The following TTC19 variants were observed in gnomAD, a reference collection of about 807,000 sequenced individuals.
The protein encoded by TTC19 is tetratricopeptide repeat domain 19.
Under a neutral mutation model 49.5 loss-of-function variants are expected in TTC19, and 38 were observed. The ratio of observed to expected loss-of-function variants is 0.77; its 90% CI spans 0.59 to 1.01. The LOEUF (loss-of-function observed/expected upper bound fraction) is 1.01, where lower values mean the gene tolerates loss of function less well. TTC19 is among the 50% of genes least tolerant of loss of function. The pLI, the probability that TTC19 is intolerant of heterozygous loss-of-function variation, is 0.00. For synonymous variants in TTC19, 204 were observed against 185.2 expected, an observed-to-expected ratio of 1.10 and a Z score of -0.83; for missense variants, 475 against 477.7, an observed-to-expected ratio of 0.99 and a Z score of 0.05.
exon 3 of TTC19, chr17:16,044,936 C>T: frequency 3.2e-6 from 2 of 623,516 alleles, no homozygotes; most frequent in Non-Finnish European, 5.8e-6. Context: ...CTGATGATGA[C>T]ATGGGCTTTT....
chr17:16,027,600 C>CA lies in TTC19; in HGVS notation c.*80dup, dbSNP rs1971615890. ...CATTCCTGTCTCTGTGGCACCCGAT[C>CA]AATGGCTTAAATCTGTCGTTTTTGA... On this transcript the variant is annotated 3_prime_UTR_variant, in exon 10 of 10. Transcript: ENST00000261647. The CA allele has an allele frequency of 6.5e-6, 10 of 1,534,266 alleles. No homozygotes were observed. The highest frequency in any genetic ancestry group is 1.4e-5 in the African/African-American group (1 of 73,124).
At chr17:16,040,092 G>A (rs573782392) in intron 2 of TTC19, 2 of 479,124 alleles carry the variant, frequency 4.2e-6, no homozygotes, top group South Asian at 3.2e-5. Flanking sequence ...ACCCAGCCCA[G>A]AGACCATCTT....
At chr17:16,002,070 T>G (rs1182171466) in intron 3 of TTC19, 45 bp downstream of exon 3, 1 of 1,309,864 alleles carries the variant, frequency 7.6e-7, no homozygotes, top group East Asian at 2.3e-5. Flanking sequence ...GAAGGTTGGA[T>G]GGGAGGGAAG....
downstream of TTC19, chr17:16,031,995 G>A: frequency 2.8e-6 from 1 of 359,624 alleles, no homozygotes; most frequent in Non-Finnish European, 5.0e-6. Context: ...AAGACATTAT[G>A]GTTTTCTTTA....
intron 7 of TTC19, chr17:16,024,228 G>A (rs56054575): frequency 0.051 from 7,730 of 152,112 alleles, 231 homozygotes; most frequent in African/African-American, 0.095. Flanking sequence ...GAGGTGCTAT[G>A]TCATTGTAAG....
Position 16,012,784 on chromosome 17 carries a change from C to T in TTC19, c.676+6216C>T, listed in dbSNP as rs531690834. Among the ~76,000 whole-genome samples, 179 of 152,038 alleles carry T rather than the reference C, an allele frequency of 1.2e-3. 1 individual carries two copies. The highest frequency in any genetic ancestry group is 2.0e-3 in the African/African-American group (84 of 41,484). On this transcript the variant is annotated intron_variant, in intron 7 of 9. Transcript: ENST00000261647. ...AACTGCCGACCTCAGGTGATCTGCCCGCCTCAACCTCCCAAAGTGCTGGGA... is the reference window on the plus strand; with the variant it reads ...AACTGCCGACCTCAGGTGATCTGCCTGCCTCAACCTCCCAAAGTGCTGGGA...
At position 16,029,218 on chromosome 17, in the gene TTC19, G is replaced by A. The variant is rs985676651; in HGVS notation, c.*1696G>A. On this transcript the variant is annotated 3_prime_UTR_variant, in exon 10 of 10. Transcript: ENST00000261647. ...AATCATCCACAGTGACTCAGCTCAT[G>A]GTCTCGTTGTTGGAAACACTAGGAG... 11 of 453,698 alleles carry A rather than the reference G, an allele frequency of 2.4e-5. No individual in the cohort carries two copies. Among genetic ancestry groups the A allele is most frequent in the Non-Finnish European group, 4.0e-5 (9 of 226,726 alleles). 28.1% of individuals were successfully genotyped at this position (453,698 alleles called of 1,614,324 possible).
rs540212362 is a variant in TTC19, at chr17:16,002,816, G to A, written c.447G>A (p.Arg149=). 1.1e-5 allele frequency: 18 copies of A among 1,613,976 alleles called. No homozygotes were observed. In the East Asian group the frequency reaches 1.3e-4, roughly 12 times the overall value. The change falls in exon 4 of 10, where the codon CGG becomes CGA. Residue 149 remains arginine, a synonymous_variant. Coordinates refer to ENST00000261647, the MANE Select transcript of TTC19 (RefSeq NM_017775.4). ...YDLMANLAFI[R]GQLENAEQLF... ...AGATGGCCAACTTAGCATTTATACGGGGTCAGCTTGAAAATGTAAGTAAAT... is the reference window on the plus strand; with the variant it reads ...AGATGGCCAACTTAGCATTTATACGAGGTCAGCTTGAAAATGTAAGTAAAT...
chr17:16,016,003 T>C (rs1971202828), intron 7 of TTC19, among the ~76,000 whole-genome samples: 1 of 152,184 alleles, frequency 6.6e-6, no homozygotes, highest in African/African-American at 2.4e-5. Context: ...ATTTTCTTTA[T>C]TGTCTTTCTA....
At chr17:16,034,487 A>G (rs1331630734) in intron 2 of TTC19, among the ~76,000 whole-genome samples, 2 of 152,144 alleles carry the variant, frequency 1.3e-5, no homozygotes, top group Non-Finnish European at 2.9e-5. Flanking sequence ...GCACGCCTGT[A>G]GTCCCAGCTA....
chr17:16,003,052 C>T (rs1005219777), intron 4 of TTC19, among the ~76,000 whole-genome samples: 2 of 152,160 alleles, frequency 1.3e-5, no homozygotes, highest in Admixed American at 6.5e-5. Flanking sequence ...TCCAGAAGTC[C>T]AGGTTTCTTC....
chr17:16,021,121 C>G (rs1971367729), intron 7 of TTC19, among the ~76,000 whole-genome samples: 1 of 152,178 alleles, frequency 6.6e-6, no homozygotes, highest in Non-Finnish European at 1.5e-5. Flanking sequence ...GGCGCAGTGG[C>G]TCACGCCTGT....
intron 7 of TTC19, among the ~76,000 whole-genome samples, chr17:16,022,371 G>A (rs1433096301): frequency 1.3e-5 from 2 of 152,112 alleles, no homozygotes; most frequent in African/African-American, 4.8e-5. Flanking sequence ...ATAGTGTTAC[G>A]TTAGATTCTG....
At chr17:16,041,872 G>C (rs1211027500) in intron 2 of TTC19, among the ~76,000 whole-genome samples, 1 of 151,784 alleles carries the variant, frequency 6.6e-6, no homozygotes, top group Non-Finnish European at 1.5e-5. Flanking sequence ...GAGTGGCTGG[G>C]ACTACAGGCG....
At chr17:16,022,372 T>C (rs1971412438) in intron 7 of TTC19, among the ~76,000 whole-genome samples, 2 of 152,186 alleles carry the variant, frequency 1.3e-5, no homozygotes, top group Non-Finnish European at 2.9e-5. Flanking sequence ...TAGTGTTACG[T>C]TAGATTCTGC....
At chr17:16,017,997 T>A (rs547850287) in intron 7 of TTC19, among the ~76,000 whole-genome samples, 68 of 152,178 alleles carry the variant, frequency 4.5e-4, no homozygotes, top group African/African-American at 9.6e-4. Context: ...GGAAAAAAAA[T>A]TTTTTTCAGT....
At chr17:16,042,553 T>C (rs2057921032) in intron 2 of TTC19, among the ~76,000 whole-genome samples, 1 of 152,202 alleles carries the variant, frequency 6.6e-6, no homozygotes, top group Admixed American at 6.5e-5. Flanking sequence ...GCTCCATAAT[T>C]CAACTATTTA....
At chr17:16,033,359 A>C (rs866054112), downstream of TTC19, among the ~76,000 whole-genome samples, 36 of 151,136 alleles carry the variant, frequency 2.4e-4, no homozygotes, top group African/African-American at 7.8e-4. Context: ...AAAAAAACCC[A>C]AAAACATAAA....
chr17:16,015,169 T>A (rs771129012), intron 7 of TTC19, among the ~76,000 whole-genome samples: 4 of 152,228 alleles, frequency 2.6e-5, no homozygotes, highest in Non-Finnish European at 4.4e-5. Context: ...AAGTGTGGGA[T>A]ATTGCATTGG....
Sources: gnomAD v4.1 joint callset for allele counts (sites outside exome capture counted in the v4.1 genomes callset) on GRCh38, gnomAD v4.1.1 for gene constraint, MANE v1.5 for transcripts, NCBI Gene and HGNC (gene_info 2026-07-23, HGNC 2026-07-21) for gene names.